The following XKR4 variants were observed in gnomAD, a reference collection of about 807,000 sequenced individuals.
The protein encoded by XKR4 is XK related 4.
In XKR4, 12 loss-of-function variants were observed where a neutral mutation model predicts 53.9. That is an observed-to-expected ratio of 0.22 (90% confidence interval 0.14 to 0.36). The LOEUF (loss-of-function observed/expected upper bound fraction) is 0.36. Ranked by LOEUF, XKR4 falls within the 10% of genes least tolerant of loss-of-function variation. The pLI, the probability that XKR4 is intolerant of heterozygous loss-of-function variation, is 1.00. For missense variants in XKR4, 799 were observed against 859.5 expected (o/e 0.93, Z 0.88); for synonymous variants, 354 against 362.4 (o/e 0.98, Z 0.26).
chr8:55,513,374 G>A (rs1036814327), intron 2 of XKR4, among the ~76,000 whole-genome samples: 3 of 152,166 alleles, frequency 2.0e-5, no homozygotes, highest in Admixed American at 2.0e-4. Flanking sequence ...CATCTAGGAA[G>A]GAGAACAGCT....
rs1395060249 is a variant in XKR4, at chr8:55,173,009, A to G, written c.806+69715A>G. On this transcript the variant is annotated intron_variant, in intron 1 of 2. Transcript: ENST00000327381. ...AGGGAAAAATGTCAGTGTTGCTTGC[A>G]CACAAATTTTGTAGCTGGAGTGAGT... Among the ~76,000 whole-genome samples, 8 of 152,324 alleles carry G rather than the reference A, an allele frequency of 5.3e-5. No homozygotes were observed. The South Asian group carries it at 1.7e-3, about 32-fold the overall frequency.
chr8:55,479,058 C>T (rs1414785207), intron 2 of XKR4, among the ~76,000 whole-genome samples: 1 of 152,116 alleles, frequency 6.6e-6, no homozygotes, highest in Non-Finnish European at 1.5e-5. Context: ...ACCTAATAGA[C>T]ATCTACAGAA....
intron 1 of XKR4, among the ~76,000 whole-genome samples, chr8:55,240,427 T>C (rs1818195868): frequency 6.6e-6 from 1 of 152,160 alleles, no homozygotes. Context: ...GTCACTTATA[T>C]TGATGAATTA....
chr8:55,174,347 C>T (rs139032688), intron 1 of XKR4, among the ~76,000 whole-genome samples: 1 of 152,138 alleles, frequency 6.6e-6, no homozygotes, highest in Non-Finnish European at 1.5e-5. Flanking sequence ...TGGACCTTGA[C>T]TCCACCTAAA....
chr8:55,481,189 A>AC (rs199674567), intron 2 of XKR4, among the ~76,000 whole-genome samples: 52,267 of 151,910 alleles, frequency 0.34, 10,909 homozygotes, highest in African/African-American at 0.6. Context: ...TGGTACTGGT[A>AC]CAAAACAGAT....
chr8:55,420,583 A>G (rs1411473557), intron 2 of XKR4, among the ~76,000 whole-genome samples: 1 of 144,226 alleles, frequency 6.9e-6, no homozygotes. Flanking sequence ...GGAATTGAAC[A>G]ATGAGAACAC....
chr8:55,147,452 CT>C (rs1367145451), intron 1 of XKR4, among the ~76,000 whole-genome samples: 1 of 152,186 alleles, frequency 6.6e-6, no homozygotes, highest in Non-Finnish European at 1.5e-5. Context: ...CTAATAACCT[CT>C]TTCAGTAATT....
At chr8:55,483,439 G>T (rs10105048) in intron 2 of XKR4, among the ~76,000 whole-genome samples, 52,144 of 151,938 alleles carry the variant, frequency 0.34, 10,824 homozygotes, top group African/African-American at 0.6. Context: ...AATTTGGCTA[G>T]AAATAAGGTT....
intron 1 of XKR4, among the ~76,000 whole-genome samples, chr8:55,195,290 AATAAT>A (rs1471003492): frequency 1.4e-5 from 2 of 142,024 alleles, no homozygotes; most frequent in African/African-American, 5.1e-5. Flanking sequence ...GTACACTAAT[AATAAT>A]ATAACAAAAA....
rs552463560 is a variant in XKR4, at chr8:55,274,914, G to A, written c.807-82764G>A. Among the ~76,000 whole-genome samples the A allele has an allele frequency of 6.0e-4, 92 of 152,270 alleles. 3 individuals carry two copies. The South Asian group carries it at 0.013, about 21-fold the overall frequency. ...TCAGTCCATGACAGTGCCAACTGCAGTCAAGCAGGCTCCTTTATCATGTGC... is the reference window on the plus strand; with the variant it reads ...TCAGTCCATGACAGTGCCAACTGCAATCAAGCAGGCTCCTTTATCATGTGC... On this transcript the variant is annotated intron_variant, in intron 1 of 2. Transcript: ENST00000327381.
chr8:55,448,382 T>C (rs1040309882), intron 2 of XKR4, among the ~76,000 whole-genome samples: 1 of 152,238 alleles, frequency 6.6e-6, no homozygotes, highest in East Asian at 1.9e-4. Context: ...CTTGAAAATC[T>C]GAACATTTAT....
chr8:55,142,124 T>G, intron 1 of XKR4: 3 of 456,058 alleles, frequency 6.6e-6, no homozygotes, highest in Non-Finnish European at 1.3e-5. Flanking sequence ...CCTCCCTACC[T>G]CCATTCTTTC....
chr8:55,302,280 A>G (rs1346129862), intron 1 of XKR4, among the ~76,000 whole-genome samples: 1 of 152,136 alleles, frequency 6.6e-6, no homozygotes. Context: ...TGTTTTTGTC[A>G]GGTTTGTCAA....
At chr8:55,286,720 C>G (rs1176317916) in intron 1 of XKR4, among the ~76,000 whole-genome samples, 1 of 152,220 alleles carries the variant, frequency 6.6e-6, no homozygotes, top group Non-Finnish European at 1.5e-5. Context: ...CCCTTTTCCT[C>G]TTTTTATGGG....
intron 1 of XKR4, among the ~76,000 whole-genome samples, chr8:55,242,716 T>A (rs1471586968): frequency 6.6e-6 from 1 of 151,984 alleles, no homozygotes; most frequent in Non-Finnish European, 1.5e-5. Flanking sequence ...AGTTAGCCCC[T>A]GGCTTTAGAA....
At chr8:55,475,579 CTTAT>C (rs60244265) in intron 2 of XKR4, among the ~76,000 whole-genome samples, 9,010 of 137,322 alleles carry the variant, frequency 0.066, 328 homozygotes, top group African/African-American at 0.091. Context: ...ACCATGCTCA[CTTAT>C]TTATTTATTT....
At chr8:55,218,862 G>A (rs1817838886) in intron 1 of XKR4, among the ~76,000 whole-genome samples, 1 of 152,162 alleles carries the variant, frequency 6.6e-6, no homozygotes, top group Non-Finnish European at 1.5e-5. Context: ...GGCTTATGAA[G>A]AGCTGTTAGT....
intron 1 of XKR4, among the ~76,000 whole-genome samples, chr8:55,315,324 A>G (rs1405712603): frequency 1.3e-5 from 2 of 152,194 alleles, no homozygotes; most frequent in South Asian, 2.1e-4. Context: ...TGTAAATGCA[A>G]TAAGTGGTTG....
intron 1 of XKR4, among the ~76,000 whole-genome samples, chr8:55,343,372 C>A (rs951106947): frequency 6.6e-6 from 1 of 152,112 alleles, no homozygotes; most frequent in African/African-American, 2.4e-5. Context: ...TCCACGGAAG[C>A]CATTTCCAGA....
Sources: gnomAD v4.1 joint callset for allele counts (sites outside exome capture counted in the v4.1 genomes callset) on GRCh38, gnomAD v4.1.1 for gene constraint, MANE v1.5 for transcripts, NCBI Gene and HGNC (gene_info 2026-07-23, HGNC 2026-07-21) for gene names.